Variants in SFXN5 observed in about 807,000 individuals in gnomAD.
SFXN5 encodes the protein sideroflexin 5, also known as sideroflexin-5.
In SFXN5, 43 loss-of-function variants were observed where a neutral mutation model predicts 50.2. That is an observed-to-expected ratio of 0.86 (90% CI 0.67 to 1.11). The LOEUF (loss-of-function observed/expected upper bound fraction) is 1.11. SFXN5 is among the 50% of genes least tolerant of loss of function. SFXN5 has a pLI of 0.00. For missense variants in SFXN5, 463 were observed against 454.1 expected (o/e 1.02, Z -0.18); for synonymous variants, 203 against 185.8 (o/e 1.09, Z -0.75).
In SFXN5 at chr2:73,059,481, C is replaced by G. The variant is rs1042219688; in HGVS notation, c.103-885G>C. 8.1e-6 allele frequency: 8 copies of G among 985,264 alleles called. No homozygotes were observed. The African/African-American group carries it at 1.4e-4, about 17-fold the overall frequency. 61.0% of individuals were successfully genotyped at this position (985,264 alleles called of 1,614,324 possible). A position where few individuals can be genotyped will look rare whatever the true frequency, so the allele number is the denominator to read the frequency against. On this transcript the variant is annotated intron_variant, in intron 1 of 13. Transcript: ENST00000272433. Reference sequence around the variant, plus strand: ...AAACAGAAGCCTCCACATTCCCTCCCCTTATTTAGTAGGACACCAGACCCT... The same window carrying G: ...AAACAGAAGCCTCCACATTCCCTCCGCTTATTTAGTAGGACACCAGACCCT...
chr2:72,961,338 G>C lies in SFXN5; in HGVS notation c.828-90C>G. On this transcript the variant is annotated intron_variant, in intron 12 of 13. Transcript: ENST00000272433. This position sits in a 1 kb window ranked among gnomAD's most constrained non-coding sequence, Gnocchi z 4.4. ...CATGCTGGGTCCCACTCTGTCTCTG[G>C]GCCCAGGAAGCGTGGTTCCGGGGCA... 2 of 840,414 alleles carry C rather than the reference G, an allele frequency of 2.4e-6. No individual in the cohort carries two copies. Among genetic ancestry groups the C allele is most frequent in the East Asian group, 6.0e-5 (2 of 33,412 alleles). The allele number at this position is 840,414 out of a possible 1,614,324, so 52.1% of individuals were successfully genotyped here. A position where few individuals can be genotyped will look rare whatever the true frequency, so the allele number is the denominator to read the frequency against.
At chr2:73,045,216 G>A (rs1021664624) in intron 2 of SFXN5, among the ~76,000 whole-genome samples, 3 of 152,082 alleles carry the variant, frequency 2.0e-5, no homozygotes, top group Non-Finnish European at 1.5e-5. Flanking sequence ...GTGACACCTA[G>A]AAATCCCAGG....
At chr2:73,007,365 G>A (rs1461851154) in intron 6 of SFXN5, among the ~76,000 whole-genome samples, 1 of 152,020 alleles carries the variant, frequency 6.6e-6, no homozygotes. Context: ...CCAAGATAAT[G>A]GAAATAATCA....
chr2:73,066,509 C>T (rs1683187114), intron 1 of SFXN5, among the ~76,000 whole-genome samples: 1 of 151,154 alleles, frequency 6.6e-6, no homozygotes, highest in African/African-American at 2.4e-5. Flanking sequence ...AGTGAGCTGA[C>T]ATCATGCCAC....
chr2:73,059,737 C>T (rs1441256669), intron 1 of SFXN5: 1 of 973,462 alleles, frequency 1.0e-6, no homozygotes, highest in Non-Finnish European at 1.2e-6. Flanking sequence ...GCCTCTCTAA[C>T]CTCTTATAAT....
rs1354259713 is a variant in SFXN5, at chr2:73,069,349, C to A, written c.102+2255G>T. Among the ~76,000 whole-genome samples, 11 of 152,126 alleles carry A rather than the reference C, an allele frequency of 7.2e-5. No individual in the cohort carries two copies. The South Asian group carries it at 1.0e-3, about 14-fold the overall frequency. Reference sequence around the variant, plus strand: ...CAGTAGAGATGGGTGGACTTGAGAGCTGTGTAAGAGGTAAGATCACTGGGC... The same window carrying A: ...CAGTAGAGATGGGTGGACTTGAGAGATGTGTAAGAGGTAAGATCACTGGGC... On this transcript the variant is annotated intron_variant, in intron 1 of 13. Coordinates refer to ENST00000272433, the MANE Select transcript of SFXN5 (RefSeq NM_144579.3).
At chr2:73,006,876 G>C (rs1674743349) in intron 6 of SFXN5, among the ~76,000 whole-genome samples, 1 of 152,204 alleles carries the variant, frequency 6.6e-6, no homozygotes, top group Admixed American at 6.5e-5. Context: ...CCCATCTCTA[G>C]GGCTGCCCTG....
intron 9 of SFXN5, among the ~76,000 whole-genome samples, chr2:72,988,602 TAC>T (rs138657348): frequency 3.3e-4 from 49 of 150,148 alleles, no homozygotes; most frequent in East Asian, 1.9e-3. Flanking sequence ...ATCAGAGACA[TAC>T]ACACACACAC....
In SFXN5 at chr2:72,961,350, G is replaced by C; in HGVS notation, c.828-102C>G. ...CACTCTGTCTCTGGGCCCAGGAAGC[G>C]TGGTTCCGGGGCAGTGCCAGTGTGC... On this transcript the variant is annotated intron_variant, in intron 12 of 13. Coordinates refer to ENST00000272433, the MANE Select transcript of SFXN5 (RefSeq NM_144579.3). This position sits in a 1 kb window ranked among gnomAD's most constrained non-coding sequence, Gnocchi z 4.4. The C allele has an allele frequency of 1.4e-6, 1 of 725,500 alleles. No homozygotes were observed. The highest frequency in any genetic ancestry group is 2.1e-6 in the Non-Finnish European group (1 of 466,430). The allele number at this position is 725,500 out of a possible 1,614,324, so 44.9% of individuals were successfully genotyped here.
intron 9 of SFXN5, among the ~76,000 whole-genome samples, chr2:72,990,716 T>C (rs915159115): frequency 6.6e-6 from 1 of 152,222 alleles, no homozygotes; most frequent in Non-Finnish European, 1.5e-5. Context: ...CAAGTAAAGC[T>C]AGCATTTGAA....
chr2:73,047,253 T>TATATATATATATATACACAC (rs1338406142), intron 2 of SFXN5, among the ~76,000 whole-genome samples: 3 of 45,128 alleles, frequency 6.6e-5, no homozygotes, highest in Non-Finnish European at 1.3e-4. Flanking sequence ...AAAATATATA[T>TATATATATATATATACACAC]ATATATATAT....
At chr2:73,059,160 C>G (rs1200946884) in intron 1 of SFXN5, 2 of 986,562 alleles carry the variant, frequency 2.0e-6, no homozygotes, top group Admixed American at 6.1e-5. Context: ...GGCAGCTCCC[C>G]CAACCTTGCC....
At chr2:73,019,738 T>C (rs1011898622) in intron 6 of SFXN5, 1 of 155,712 alleles carries the variant, frequency 6.4e-6, no homozygotes, top group African/African-American at 2.4e-5. Flanking sequence ...CTGGATATGC[T>C]TGCTTTTTGA....
At position 72,960,968 on chromosome 2, in the gene SFXN5, G is replaced by A. The variant is rs189965048; in HGVS notation, c.945+163C>T. ...TCTGTTTAATCACCCTGTTGACTGC[G>A]TGACCCTCACTCTGAGGGCCAGAGC... On this transcript the variant is annotated intron_variant, in intron 13 of 13. Coordinates refer to ENST00000272433, the MANE Select transcript of SFXN5 (RefSeq NM_144579.3). The surrounding 1 kb of genome is among the most constrained non-coding windows in gnomAD (Gnocchi z 6.1). 2.1e-3 allele frequency among the ~76,000 whole-genome samples: 320 copies of A among 152,270 alleles called. No homozygotes were observed. The highest frequency in any genetic ancestry group is 3.2e-3 in the Non-Finnish European group (220 of 68,028).
At chr2:72,981,354 G>A in intron 10 of SFXN5, 1 of 151,802 alleles carries the variant, frequency 6.6e-6, no homozygotes, top group East Asian at 1.9e-4. Flanking sequence ...GAGACCCCCG[G>A]GTCTCTGTCT....
intron 5 of SFXN5, among the ~76,000 whole-genome samples, chr2:73,021,527 C>A (rs547424898): frequency 9.9e-4 from 151 of 152,244 alleles, no homozygotes; most frequent in Non-Finnish European, 2.1e-3. Context: ...AAGTTCTTCA[C>A]GGCAAAGCCA....
chr2:73,045,230 C>T (rs997120096), intron 2 of SFXN5, among the ~76,000 whole-genome samples: 1 of 152,118 alleles, frequency 6.6e-6, no homozygotes, highest in African/African-American at 2.4e-5. Flanking sequence ...TCCCAGGAAA[C>T]CTCAACTCTA....
At chr2:72,999,501 T>C (rs1464113309) in intron 8 of SFXN5, among the ~76,000 whole-genome samples, 3 of 151,866 alleles carry the variant, frequency 2.0e-5, no homozygotes, top group African/African-American at 7.3e-5. Flanking sequence ...TAGAGAATAA[T>C]ATACCCCAAG....
At chr2:73,057,324 A>G (rs1682277688) in intron 2 of SFXN5, among the ~76,000 whole-genome samples, 1 of 152,156 alleles carries the variant, frequency 6.6e-6, no homozygotes, top group African/African-American at 2.4e-5. Context: ...AATTTTGTAG[A>G]GACAAGTCTC....
Sources: gnomAD v4.1 joint callset for allele counts (sites outside exome capture counted in the v4.1 genomes callset) on GRCh38, gnomAD v4.1.1 for gene constraint, Gnocchi (gnomAD v3.1) non-coding constraint, MANE v1.5 for transcripts, NCBI Gene and HGNC (gene_info 2026-07-23, HGNC 2026-07-21) for gene names.